The following GRIN2B variants were observed in gnomAD, a reference collection of about 807,000 sequenced individuals.
GRIN2B encodes the protein glutamate ionotropic receptor NMDA type subunit 2B.
GRIN2B carries 5 observed loss-of-function variants against 114.5 expected under a neutral mutation model. The ratio of observed to expected loss-of-function variants is 0.04; its 90% CI spans 0.02 to 0.09. GRIN2B has a LOEUF of 0.09. Among genes scored for constraint, GRIN2B ranks in the 10% least tolerant of loss-of-function variants. GRIN2B has a pLI of 1.00. For missense variants in GRIN2B, 1,108 were observed against 1,943.5 expected (o/e 0.57, Z 8.08); for synonymous variants, 787 against 745.1 (o/e 1.06, Z -0.92).
chr12:13,937,212 T>A (rs530069111), intron 2 of GRIN2B, among the ~76,000 whole-genome samples: 20 of 151,838 alleles, frequency 1.3e-4, no homozygotes, highest in African/African-American at 4.1e-4. Flanking sequence ...GATTTTTTTT[T>A]AAATGAGATT....
At chr12:13,945,049 T>G (rs219916) in intron 2 of GRIN2B, among the ~76,000 whole-genome samples, 39 of 152,278 alleles carry the variant, frequency 2.6e-4, no homozygotes, top group African/African-American at 9.1e-4. Context: ...GAAAAATAAA[T>G]TACTTTTCTA....
rs149838650 is a variant in GRIN2B at position 13,942,866 on chromosome 12, A to G, written c.-19+37062T>C. On this transcript the variant is annotated intron_variant, in intron 2 of 13. Coordinates refer to ENST00000609686, the MANE Select transcript of GRIN2B (RefSeq NM_000834.5). Reference sequence around the variant, plus strand: ...AGAGACACAGCACAATCTCATTATCATCTCTCCCTGTGAGGATAAATTGCA... The same window carrying G: ...AGAGACACAGCACAATCTCATTATCGTCTCTCCCTGTGAGGATAAATTGCA... Among the ~76,000 whole-genome samples the G allele has an allele frequency of 8.0e-3, 1,224 of 152,250 alleles. 16 individuals carry two copies. Among genetic ancestry groups the G allele is most frequent in the African/African-American group, 0.027 (1,124 of 41,548 alleles).
At chr12:13,782,162 T>C (rs1864127009) in intron 3 of GRIN2B, among the ~76,000 whole-genome samples, 1 of 152,190 alleles carries the variant, frequency 6.6e-6, no homozygotes, top group Non-Finnish European at 1.5e-5. Context: ...GCTTCACTTT[T>C]TCCATAATTA....
chr12:13,856,514 G>A (rs915240809), intron 3 of GRIN2B, among the ~76,000 whole-genome samples: 6 of 152,156 alleles, frequency 3.9e-5, no homozygotes, highest in Non-Finnish European at 7.3e-5. Context: ...ACCTACGAAG[G>A]TGGAACTATC....
At position 13,557,612 on chromosome 12, in the gene GRIN2B, C is replaced by T. The variant is rs1040929274; in HGVS notation, c.*5171G>A. ...TTTAGAAATTCATAAATTATACACT[C>T]ATATGATTGTGTATTGAAAATAATT... is the stretch of plus-strand genomic sequence containing the variant. On this transcript the variant is annotated 3_prime_UTR_variant, in exon 14 of 14. Transcript: ENST00000609686. 13 of 152,196 alleles carry T rather than the reference C, an allele frequency of 8.5e-5. No homozygotes were observed. The highest frequency in any genetic ancestry group is 7.3e-5 in the Non-Finnish European group (5 of 68,036). 9.4% of individuals were successfully genotyped at this position (152,196 alleles called of 1,614,324 possible). A position where few individuals can be genotyped will look rare whatever the true frequency, so the allele number is the denominator to read the frequency against.
At chr12:13,598,155 C>T (rs1354439048) in intron 10 of GRIN2B, among the ~76,000 whole-genome samples, 1 of 152,228 alleles carries the variant, frequency 6.6e-6, no homozygotes, top group Admixed American at 6.5e-5. Context: ...CCTTGCCAGG[C>T]AAGTTCTGGG....
chr12:13,804,784 G>A lies in GRIN2B; in HGVS notation c.412-50869C>T, dbSNP rs1864573885. Among the ~76,000 whole-genome samples the A allele has an allele frequency of 1.3e-5, 2 of 152,102 alleles. 1 individual carries two copies. The highest frequency in any genetic ancestry group is 4.8e-5 in the African/African-American group (2 of 41,410). On this transcript the variant is annotated intron_variant, in intron 3 of 13. Transcript: ENST00000609686. ...ATGAGGTCTAGAAGAGTGTCTTGTA[G>A]CAATAATGCCTTGCCCATAATAGGC...
Position 13,763,560 on chromosome 12 carries a change from G to A in GRIN2B, c.412-9645C>T, listed in dbSNP as rs537360688. ...CCAGCTGGGGTCTGACACATCTACC[G>A]TTTCCTGTTCTATACGAGATGATTA... On this transcript the variant is annotated intron_variant, in intron 3 of 13. Coordinates refer to ENST00000609686, the MANE Select transcript of GRIN2B (RefSeq NM_000834.5). 6.1e-4 allele frequency among the ~76,000 whole-genome samples: 93 copies of A among 152,216 alleles called. 1 individual carries two copies. Among genetic ancestry groups the A allele is most frequent in the African/African-American group, 2.0e-3 (83 of 41,522 alleles).
chr12:13,678,201 A>T (rs1324762131), intron 4 of GRIN2B, among the ~76,000 whole-genome samples: 5 of 152,200 alleles, frequency 3.3e-5, no homozygotes, highest in Non-Finnish European at 7.3e-5. Flanking sequence ...GTTTAGGTGA[A>T]CATTGCTAAG....
chr12:13,933,774 A>G (rs1459622006), intron 2 of GRIN2B, among the ~76,000 whole-genome samples: 1 of 152,214 alleles, frequency 6.6e-6, no homozygotes, highest in East Asian at 1.9e-4. Context: ...GCCAGACACT[A>G]TAGATGGTAG....
chr12:13,958,128 G>T (rs911109894), intron 2 of GRIN2B, among the ~76,000 whole-genome samples: 2 of 152,188 alleles, frequency 1.3e-5, no homozygotes, highest in Non-Finnish European at 2.9e-5. Flanking sequence ...CTTGGATTAG[G>T]AATAAAATGT....
intron 10 of GRIN2B, among the ~76,000 whole-genome samples, chr12:13,584,078 A>G (rs558071774): frequency 6.6e-6 from 1 of 152,222 alleles, no homozygotes; most frequent in South Asian, 2.1e-4. Flanking sequence ...CATTCAGAAG[A>G]ACGAAGGAGA....
At chr12:13,751,055 C>T (rs1292572025) in intron 4 of GRIN2B, among the ~76,000 whole-genome samples, 1 of 152,056 alleles carries the variant, frequency 6.6e-6, no homozygotes, top group Admixed American at 6.6e-5. Flanking sequence ...AACATCAGCA[C>T]CTGTGTTTGG....
At chr12:13,632,095 A>G (rs1043784296) in intron 5 of GRIN2B, among the ~76,000 whole-genome samples, 14 of 152,278 alleles carry the variant, frequency 9.2e-5, no homozygotes, top group African/African-American at 3.4e-4. Context: ...AAAACTGACA[A>G]CTCAACTGGA....
At chr12:13,914,919 G>A (rs1339506998) in intron 2 of GRIN2B, among the ~76,000 whole-genome samples, 1 of 152,120 alleles carries the variant, frequency 6.6e-6, no homozygotes, top group Non-Finnish European at 1.5e-5. Context: ...GCCAGGAAGG[G>A]TAGAGGAAAG....
At chr12:13,731,460 G>T (rs1861453) in intron 4 of GRIN2B, among the ~76,000 whole-genome samples, 5,448 of 152,128 alleles carry the variant, frequency 0.036, 321 homozygotes, top group African/African-American at 0.13. Context: ...AATTAGCTGG[G>T]CGTGGTGGTG....
chr12:13,701,920 A>C (rs1950316592), intron 4 of GRIN2B, among the ~76,000 whole-genome samples: 1 of 152,228 alleles, frequency 6.6e-6, no homozygotes, highest in South Asian at 2.1e-4. Context: ...CCTGTTGAAA[A>C]ATTCATATGC....
intron 2 of GRIN2B, among the ~76,000 whole-genome samples, chr12:13,886,790 G>C (rs1317518021): frequency 6.6e-6 from 1 of 152,116 alleles, no homozygotes; most frequent in African/African-American, 2.4e-5. Flanking sequence ...TTAACCACAT[G>C]TTTAGAGTAT....
intron 4 of GRIN2B, among the ~76,000 whole-genome samples, chr12:13,752,043 C>T (rs1188478454): frequency 6.6e-6 from 1 of 152,150 alleles, no homozygotes; most frequent in Non-Finnish European, 1.5e-5. Flanking sequence ...AAGATTGGAT[C>T]ACAGATATAA....
Sources: allele counts gnomAD v4.1 joint callset (sites outside exome capture counted in the v4.1 genomes callset), GRCh38; gene constraint gnomAD v4.1.1; transcripts MANE v1.5; gene names NCBI Gene and HGNC (gene_info 2026-07-23, HGNC 2026-07-21).